Variants in ATG12 observed in about 807,000 individuals in gnomAD.
ATG12 encodes the protein autophagy related 12, also known as ubiquitin-like protein ATG12.
Under a neutral mutation model 17.6 loss-of-function variants are expected in ATG12, and 19 were observed. The observed-to-expected ratio is 1.08, with a 90% CI of 0.75 to 1.58. ATG12 has a LOEUF of 1.58. ATG12 is among the 40% of genes most tolerant of loss of function. The probability of loss-of-function intolerance (pLI) is 0.00; values close to 1 mark genes in which losing one functional copy is unlikely to be tolerated. For synonymous variants in ATG12, 75 were observed against 62.4 expected (o/e 1.20, Z -0.95); for missense variants, 214 against 162.0 (o/e 1.32, Z -1.74).
At chr5:115,839,958 T>C (rs951516512) in intron 1 of ATG12, among the ~76,000 whole-genome samples, 3 of 152,224 alleles carry the variant, frequency 2.0e-5, no homozygotes, top group African/African-American at 7.2e-5. Flanking sequence ...AAATATGCCC[T>C]CGGGCAATAT....
chr5:115,838,601 T>A (rs1325494909), intron 1 of ATG12: 2 of 152,256 alleles, frequency 1.3e-5, no homozygotes, highest in Non-Finnish European at 2.9e-5. Context: ...TTATGCTGTT[T>A]GTAACTACCA....
Position 115,830,736 on chromosome 5 carries a change from C to CA in ATG12, c.*1067dup, listed in dbSNP as rs1760836528. ...CTTGCCTTGCTAACCAGGCTGGTCT[C>CA]AAACTTGTGGCTTCACGCAATCCCC... On this transcript the variant is annotated 3_prime_UTR_variant, in exon 4 of 4. Coordinates refer to ENST00000509910, the MANE Select transcript of ATG12 (RefSeq NM_004707.4). The CA allele has an allele frequency of 6.6e-6, 1 of 152,018 alleles. No individual in the cohort carries two copies. Among genetic ancestry groups the CA allele is most frequent in the Non-Finnish European group, 1.5e-5 (1 of 68,010 alleles). 9.4% of individuals were successfully genotyped at this position (152,018 alleles called of 1,614,324 possible).
chr5:115,841,098 G>T, intron 1 of ATG12: 1 of 191,996 alleles, frequency 5.2e-6, no homozygotes, highest in Non-Finnish European at 9.6e-6. Flanking sequence ...GCCCCACTCA[G>T]CTCCCTCCCT....
In ATG12 at chr5:115,830,183, A is replaced by G. The variant is rs1320061078; in HGVS notation, c.*1621T>C. On this transcript the variant is annotated 3_prime_UTR_variant, in exon 4 of 4. Coordinates refer to ENST00000509910, the MANE Select transcript of ATG12 (RefSeq NM_004707.4). ...GTATTCTTCAGAGTTGTTAGGAAAG[A>G]AAACAAATAAGGTTAGCTACATATT... is the stretch of plus-strand genomic sequence containing the variant. 2.0e-5 allele frequency: 3 copies of G among 151,972 alleles called. No individual in the cohort carries two copies. The highest frequency in any genetic ancestry group is 4.8e-5 in the African/African-American group (2 of 41,400). The allele number at this position is 151,972 out of a possible 1,614,324, so 9.4% of individuals were successfully genotyped here. A position where few individuals can be genotyped will look rare whatever the true frequency, so the allele number is the denominator to read the frequency against.
intron 1 of ATG12, 148 bp downstream of exon 1, chr5:115,841,242 A>G: frequency 4.5e-6 from 5 of 1,109,850 alleles, no homozygotes; most frequent in South Asian, 1.4e-5. Context: ...TTAAAAATCA[A>G]AAAGTACACT....
chr5:115,830,119 TTAAAAAA>T lies in ATG12; in HGVS notation c.*1678_*1684del, dbSNP rs1760804487. ...GCAACAAGACCGAAACGCTGTCTCT[TTAAAAAA>T]AAAAAAAAAAAAAAAAAGTGCAAAG... On this transcript the variant is annotated 3_prime_UTR_variant, in exon 4 of 4. Transcript: ENST00000509910. 1 of 80,018 alleles carries T rather than the reference TTAAAAAA, an allele frequency of 1.2e-5. No homozygotes were observed. The highest frequency in any genetic ancestry group is 5.2e-4 in the South Asian group (1 of 1,928). 5.0% of individuals were successfully genotyped at this position (80,018 alleles called of 1,614,324 possible). A position where few individuals can be genotyped will look rare whatever the true frequency, so the allele number is the denominator to read the frequency against.
At position 115,829,595 on chromosome 5, in the gene ATG12, C is replaced by G. The variant is rs879805414; in HGVS notation, c.*2209G>C. 6.6e-6 allele frequency: 1 copy of G among 152,156 alleles called. No individual in the cohort carries two copies. The highest frequency in any genetic ancestry group is 1.5e-5 in the Non-Finnish European group (1 of 68,030). 9.4% of individuals were successfully genotyped at this position (152,156 alleles called of 1,614,324 possible). On this transcript the variant is annotated 3_prime_UTR_variant, in exon 4 of 4. Transcript: ENST00000509910. ...AGATGAAGCATGATATTAATGACAT[C>G]TATTTAGTCACAAAGAAAATTTAAA... is the stretch of plus-strand genomic sequence containing the variant.
rs1161967537 is a variant in ATG12, at chr5:115,837,635, T to A, written c.293A>T (p.Glu98Val). Residue 98 changes from glutamate to valine, a missense_variant, in exon 2 of 4, where the codon GAA (glutamate) becomes GTA (valine). Physicochemically the swap from Glu to Val is moderately radical, Grantham distance 121. Coordinates refer to ENST00000509910, the MANE Select transcript of ATG12 (RefSeq NM_004707.4). ...IKKFLKLVASEQLFIYVNQSF... is the reference protein window; with the variant it reads ...IKKFLKLVASVQLFIYVNQSF... ...TCACCATTGGTTTCATACCAACTGT[T>A]CTGAGGCCACAAGTTTAAGAAACTT... 6.2e-7 allele frequency: 1 copy of A among 1,611,344 alleles called. No individual in the cohort carries two copies. The highest frequency in any genetic ancestry group is 1.3e-5 in the African/African-American group (1 of 74,786).
chr5:115,838,754 A>T (rs1761206802), intron 1 of ATG12: 1 of 152,240 alleles, frequency 6.6e-6, no homozygotes, highest in South Asian at 2.1e-4. Flanking sequence ...AAACCCTATG[A>T]ATCTGTCTCT....
intron 1 of ATG12, 129 bp from the exon 2 acceptor site, chr5:115,837,893 G>A (rs762877081): frequency 4.1e-6 from 3 of 733,980 alleles, no homozygotes; most frequent in Non-Finnish European, 6.0e-6. Flanking sequence ...CTGAAGATAT[G>A]TGAGAGATGT....
chr5:115,835,670 CA>C (rs1460377807), intron 2 of ATG12, among the ~76,000 whole-genome samples: 2 of 152,154 alleles, frequency 1.3e-5, no homozygotes, highest in Non-Finnish European at 2.9e-5. Context: ...CAGAAGAGGG[CA>C]AAACTCCTTA....
chr5:115,837,413 G>C (rs948098274), intron 2 of ATG12, among the ~76,000 whole-genome samples: 2 of 151,754 alleles, frequency 1.3e-5, no homozygotes, highest in African/African-American at 4.8e-5. Context: ...GAACCAGGAG[G>C]AGAAGGTTGC....
intron 3 of ATG12, 89 bp from the exon 4 acceptor site, chr5:115,831,952 A>C: frequency 8.1e-7 from 1 of 1,240,968 alleles, no homozygotes; most frequent in Non-Finnish European, 1.1e-6. Context: ...TATCATAAAT[A>C]TCCACACACG....
At position 115,831,796 on chromosome 5, in the gene ATG12, T is replaced by C. The variant is rs1030826296; in HGVS notation, c.*8A>G. Reference sequence around the variant, plus strand: ...TTCATGTAGTAGCAAGTTGATTTTCTTTGTGGTTCATCCCCACGCCTGAGA... The same window carrying C: ...TTCATGTAGTAGCAAGTTGATTTTCCTTGTGGTTCATCCCCACGCCTGAGA... On this transcript the variant is annotated 3_prime_UTR_variant, in exon 4 of 4. Transcript: ENST00000509910. The C allele has an allele frequency of 6.2e-7, 1 of 1,611,784 alleles. No individual in the cohort carries two copies. The highest frequency in any genetic ancestry group is 8.5e-7 in the Non-Finnish European group (1 of 1,179,198).
rs1760766871 is a variant in ATG12, at chr5:115,829,285, C to G, written c.*2519G>C. 6.6e-6 allele frequency: 1 copy of G among 152,186 alleles called. No individual in the cohort carries two copies. The highest frequency in any genetic ancestry group is 2.4e-5 in the African/African-American group (1 of 41,434). 9.4% of individuals were successfully genotyped at this position (152,186 alleles called of 1,614,324 possible). On this transcript the variant is annotated 3_prime_UTR_variant, in exon 4 of 4. Transcript: ENST00000509910. Reference sequence around the variant, plus strand: ...ACTCCTTCAACACCTAAGGCTTTCTCACTTTGTGTTACAACTAAATTGGTT... The same window carrying G: ...ACTCCTTCAACACCTAAGGCTTTCTGACTTTGTGTTACAACTAAATTGGTT...
At chr5:115,831,968 TAA>T (rs1215730389) in intron 3 of ATG12, 105 bp from the exon 4 acceptor site, 2 of 1,026,588 alleles carry the variant, frequency 1.9e-6, no homozygotes, top group Non-Finnish European at 2.9e-6. Context: ...ACACGTATAT[TAA>T]GTTACCTATG....
chr5:115,841,382 T>A lies in ATG12; in HGVS notation c.163+8A>T, dbSNP rs562932111. The A allele has an allele frequency of 1.9e-6, 3 of 1,610,928 alleles. No individual in the cohort carries two copies. The Admixed American group carries it at 5.1e-5, about 27-fold the overall frequency. ...CCCGCCTCTCTGCCCGGAAATAAATTCAGTTACTTTTTTTCTTGGTGTCGC... is the reference window on the plus strand; with the variant it reads ...CCCGCCTCTCTGCCCGGAAATAAATACAGTTACTTTTTTTCTTGGTGTCGC... On this transcript the variant is annotated splice_region_variant and intron_variant, in intron 1 of 3. Transcript: ENST00000509910.
At chr5:115,835,937 T>A (rs1255574810) in intron 2 of ATG12, among the ~76,000 whole-genome samples, 2 of 152,116 alleles carry the variant, frequency 1.3e-5, no homozygotes, top group Non-Finnish European at 2.9e-5. Context: ...GGTTTTGCTA[T>A]CTAGTTGACT....
intron 2 of ATG12, chr5:115,833,676 ATTATCT>A (rs923717830): frequency 6.6e-6 from 1 of 152,226 alleles, no homozygotes; most frequent in Non-Finnish European, 1.5e-5. Context: ...TTATTGTTAA[ATTATCT>A]TTAAATAGTT....
Sources: allele counts gnomAD v4.1 joint callset (sites outside exome capture counted in the v4.1 genomes callset), GRCh38; gene constraint gnomAD v4.1.1; transcripts MANE v1.5; gene names NCBI Gene and HGNC (gene_info 2026-07-23, HGNC 2026-07-21).